WDFY2: variants seen among roughly 807,000 people sequenced by gnomAD.
The protein encoded by WDFY2 is WD repeat and FYVE domain containing 2.
In WDFY2, 36 loss-of-function variants were observed where a neutral mutation model predicts 56.4. The ratio of observed to expected loss-of-function variants is 0.64; its 90% CI spans 0.49 to 0.84. The LOEUF (loss-of-function observed/expected upper bound fraction) is 0.84. Ranked by LOEUF, WDFY2 falls within the 40% of genes least tolerant of loss-of-function variation. The pLI is 0.00. For synonymous variants in WDFY2, 176 were observed against 183.7 expected (o/e 0.96, Z 0.34); for missense variants, 444 against 512.2 (o/e 0.87, Z 1.29).
At chr13:51,756,224 C>G (rs1296194961) in intron 9 of WDFY2, 108 bp from the exon 10 acceptor site, 1 of 1,473,224 alleles carries the variant, frequency 6.8e-7, no homozygotes, top group Non-Finnish European at 9.1e-7. Flanking sequence ...GTTCAGCATC[C>G]TCACCTGGAT....
rs1013397516 is a variant in WDFY2, at chr13:51,638,147, C to G, written c.138-22449C>G. Among the ~76,000 whole-genome samples the G allele has an allele frequency of 4.6e-5, 7 of 152,224 alleles. No individual in the cohort carries two copies. The South Asian group carries it at 1.2e-3, about 27-fold the overall frequency. The stretch of plus-strand genomic sequence containing the variant: ...AGACAGAGGTCAGATCCTGGAGGGC[C>G]TGGTAAACTATAGAGTTGAGCGTGG... On this transcript the variant is annotated intron_variant, in intron 1 of 11. Transcript: ENST00000298125.
intron 1 of WDFY2, among the ~76,000 whole-genome samples, chr13:51,613,649 T>G (rs916316038): frequency 6.6e-6 from 1 of 152,186 alleles, no homozygotes; most frequent in African/African-American, 2.4e-5. Context: ...TACTCAGTCT[T>G]GTATAATTGT....
intron 3 of WDFY2, among the ~76,000 whole-genome samples, chr13:51,677,794 A>G (rs1181679720): frequency 6.6e-6 from 1 of 152,118 alleles, no homozygotes; most frequent in Admixed American, 6.6e-5. Context: ...CTGGTAGGAG[A>G]CAAGCAGCAA....
chr13:51,635,915 TC>T (rs1160444621), intron 1 of WDFY2, among the ~76,000 whole-genome samples: 1 of 152,236 alleles, frequency 6.6e-6, no homozygotes, highest in Non-Finnish European at 1.5e-5. Context: ...ATTCCCCATT[TC>T]TCTTCTGGTG....
intron 4 of WDFY2, among the ~76,000 whole-genome samples, chr13:51,711,300 A>G (rs1952210079): frequency 6.6e-6 from 1 of 152,260 alleles, no homozygotes; most frequent in Non-Finnish European, 1.5e-5. Flanking sequence ...AACATGGATT[A>G]AAGACTTAAA....
intron 1 of WDFY2, among the ~76,000 whole-genome samples, chr13:51,610,410 T>C (rs1228915200): frequency 6.6e-6 from 1 of 152,212 alleles, no homozygotes; most frequent in Non-Finnish European, 1.5e-5. Flanking sequence ...TCCTTTATTG[T>C]ATGAATTTGT....
At chr13:51,655,065 C>T (rs1955483231) in intron 1 of WDFY2, among the ~76,000 whole-genome samples, 1 of 152,014 alleles carries the variant, frequency 6.6e-6, no homozygotes, top group South Asian at 2.1e-4. Flanking sequence ...TGTAACTTGG[C>T]TTAATTAATT....
At chr13:51,679,820 G>A (rs1259046303) in intron 3 of WDFY2, among the ~76,000 whole-genome samples, 1 of 152,056 alleles carries the variant, frequency 6.6e-6, no homozygotes, top group African/African-American at 2.4e-5. Flanking sequence ...GTGGTTGCTA[G>A]CAATCCTTGG....
chr13:51,737,113 G>C (rs566106605), intron 6 of WDFY2, among the ~76,000 whole-genome samples: 7 of 152,262 alleles, frequency 4.6e-5, no homozygotes, highest in African/African-American at 1.7e-4. Flanking sequence ...AGTCAGTCAA[G>C]TGAGACCATC....
At position 51,756,336 on chromosome 13, in the gene WDFY2, A is replaced by G; in HGVS notation, c.938A>G (p.His313Arg). The G allele has an allele frequency of 2.5e-6, 4 of 1,613,466 alleles. No individual in the cohort carries two copies. The highest frequency in any genetic ancestry group is 3.4e-6 in the Non-Finnish European group (4 of 1,179,640). The change falls in exon 10 of 12, where the codon CAC (histidine) becomes CGC (arginine). Residue 313 changes from histidine (H) to arginine (R), a missense_variant. Coordinates refer to ENST00000298125, the MANE Select transcript of WDFY2 (RefSeq NM_052950.4). ...TATTTTATCTCCCTCCTCCAGCACCACTGCCGCAAGTGTGGGAAGGCCGTC... is the reference window on the plus strand; with the variant it reads ...TATTTTATCTCCCTCCTCCAGCACCGCTGCCGCAAGTGTGGGAAGGCCGTC... ...DSKKIGLRQH[H>R]CRKCGKAVCG...
Position 51,623,881 on chromosome 13 carries a change from A to G in WDFY2, c.138-36715A>G, listed in dbSNP as rs915913455. On this transcript the variant is annotated intron_variant, in intron 1 of 11. Transcript: ENST00000298125. ...AAGGAATAGGCACTTTTTTTAACCT[A>G]TAGAAGTTATTTCTTCTGTGTCTCC... Among the ~76,000 whole-genome samples, 52 of 150,814 alleles carry G rather than the reference A, an allele frequency of 3.4e-4. 2 individuals are homozygous for G. The highest frequency in any genetic ancestry group is 1.0e-3 in the African/African-American group (41 of 41,008).
chr13:51,741,070 A>T (rs746073434), intron 7 of WDFY2, among the ~76,000 whole-genome samples: 1 of 152,208 alleles, frequency 6.6e-6, no homozygotes, highest in Non-Finnish European at 1.5e-5. Flanking sequence ...TAAAGTTTAG[A>T]TAAGTCTCTC....
At chr13:51,701,842 T>G (rs971658926) in intron 3 of WDFY2, among the ~76,000 whole-genome samples, 1 of 152,166 alleles carries the variant, frequency 6.6e-6, no homozygotes, top group Non-Finnish European at 1.5e-5. Context: ...TTGTCTTCAA[T>G]AAATTTATTT....
chr13:51,737,876 G>A (rs1359407921), intron 6 of WDFY2, among the ~76,000 whole-genome samples: 1 of 152,208 alleles, frequency 6.6e-6, no homozygotes, highest in East Asian at 1.9e-4. Context: ...TACATGAGCA[G>A]GAGTGTATAC....
At chr13:51,758,899 T>C (rs1953486836) in intron 11 of WDFY2, among the ~76,000 whole-genome samples, 1 of 152,156 alleles carries the variant, frequency 6.6e-6, no homozygotes, top group Non-Finnish European at 1.5e-5. Flanking sequence ...AAATAAACTC[T>C]GGGGCTGGGT....
chr13:51,755,584 C>G, intron 9 of WDFY2, 125 bp downstream of exon 9: 2 of 824,248 alleles, frequency 2.4e-6, no homozygotes, highest in Non-Finnish European at 2.0e-6. Flanking sequence ...CTGGAGTCAC[C>G]TCGTGATTGC....
chr13:51,682,726 G>A (rs562859375), intron 3 of WDFY2, among the ~76,000 whole-genome samples: 2 of 152,238 alleles, frequency 1.3e-5, no homozygotes, highest in South Asian at 4.1e-4. Flanking sequence ...AACAGTCCCT[G>A]TATGTATCAA....
chr13:51,700,446 C>T (rs1316307565), intron 3 of WDFY2, among the ~76,000 whole-genome samples: 1 of 152,126 alleles, frequency 6.6e-6, no homozygotes, highest in African/African-American at 2.4e-5. Context: ...GCAGCCAAAC[C>T]TTTACATTTT....
intron 6 of WDFY2, among the ~76,000 whole-genome samples, chr13:51,728,684 A>C (rs1952656717): frequency 6.6e-6 from 1 of 152,222 alleles, no homozygotes; most frequent in Non-Finnish European, 1.5e-5. Flanking sequence ...AGAAACATAT[A>C]GTAAGGAAAA....
Sources: gnomAD v4.1 joint callset for allele counts (sites outside exome capture counted in the v4.1 genomes callset) on GRCh38, gnomAD v4.1.1 for gene constraint, MANE v1.5 for transcripts, NCBI Gene and HGNC (gene_info 2026-07-23, HGNC 2026-07-21) for gene names.